DSCAM: variants seen among roughly 807,000 people sequenced by gnomAD.
DSCAM encodes DS cell adhesion molecule.
DSCAM carries 47 observed loss-of-function variants against 217.7 expected under a neutral mutation model. The observed-to-expected ratio is 0.22, with a 90% confidence interval of 0.17 to 0.28. The LOEUF is 0.28. Ranked by LOEUF, DSCAM falls within the 10% of genes least tolerant of loss-of-function variation. The probability of loss-of-function intolerance (pLI) is 1.00; values close to 1 mark genes in which losing one functional copy is unlikely to be tolerated. For synonymous variants in DSCAM, 1,056 were observed against 1,015.3 expected (o/e 1.04, Z -0.76); for missense variants, 2,080 against 2,618.3 (o/e 0.79, Z 4.49).
chr21:40,573,337 C>CAAAT lies in DSCAM; in HGVS notation c.508+119469_508+119472dup, dbSNP rs1276380669. On this transcript the variant is annotated intron_variant, in intron 3 of 32. Coordinates refer to ENST00000400454, the MANE Select transcript of DSCAM (RefSeq NM_001389.5). ...TGGGCGACAGAGCAAGACTCTGTCT[C>CAAAT]AAATAAATAAATAAATAAACTTGAA... 1.2e-4 allele frequency among the ~76,000 whole-genome samples: 18 copies of CAAAT among 151,142 alleles called. No individual in the cohort carries two copies. The East Asian group carries it at 3.5e-3, about 30-fold the overall frequency.
At position 40,055,080 on chromosome 21, in the gene DSCAM, A is replaced by G. The variant is rs569429647; in HGVS notation, c.5035+645T>C. On this transcript the variant is annotated intron_variant, in intron 29 of 32. Transcript: ENST00000400454. ...GTGTGGGGTAATGGACTTCAGGTGGAAAGAGGCTGGGAAGAGTGAAGATAC... is the reference window on the plus strand; with the variant it reads ...GTGTGGGGTAATGGACTTCAGGTGGGAAGAGGCTGGGAAGAGTGAAGATAC... 2.7e-3 allele frequency among the ~76,000 whole-genome samples: 405 copies of G among 152,244 alleles called. 2 individuals carry two copies. Among genetic ancestry groups the G allele is most frequent in the Non-Finnish European group, 3.6e-3 (242 of 68,018 alleles).
In DSCAM at chr21:40,432,235, TAAA is replaced by T. The variant is rs1352198517; in HGVS notation, c.509-62993_509-62991del. Among the ~76,000 whole-genome samples, 448 of 151,710 alleles carry T rather than the reference TAAA, an allele frequency of 3.0e-3. 2 individuals carry two copies. The highest frequency in any genetic ancestry group is 0.01 in the African/African-American group (427 of 41,444). On this transcript the variant is annotated intron_variant, in intron 3 of 32. Coordinates refer to ENST00000400454, the MANE Select transcript of DSCAM (RefSeq NM_001389.5). ...AAAAATAAATATATAAATAAATAAATAAATATCTTCTTCTTCTGATAGTCAAAA... is the reference window on the plus strand; with the variant it reads ...AAAAATAAATATATAAATAAATAAATTATCTTCTTCTTCTGATAGTCAAAA...
intron 32 of DSCAM, among the ~76,000 whole-genome samples, chr21:40,031,224 C>T (rs2088517771): frequency 6.6e-6 from 1 of 152,088 alleles, no homozygotes; most frequent in Non-Finnish European, 1.5e-5. Context: ...AGGCATGTAC[C>T]TTAGAGAACA....
chr21:40,691,931 T>C (rs892267170), intron 3 of DSCAM, among the ~76,000 whole-genome samples: 3 of 152,256 alleles, frequency 2.0e-5, no homozygotes, highest in African/African-American at 7.2e-5. Context: ...TTCCAAATTC[T>C]GCTCTCTATA....
chr21:40,836,615 C>T (rs2092058791), intron 1 of DSCAM, among the ~76,000 whole-genome samples: 1 of 152,190 alleles, frequency 6.6e-6, no homozygotes, highest in Non-Finnish European at 1.5e-5. Flanking sequence ...GTACTTGGAA[C>T]TTTACTGGAT....
At chr21:40,266,641 A>ATATATATATATATATATATATT (rs2073533434) in intron 11 of DSCAM, among the ~76,000 whole-genome samples, 1 of 111,312 alleles carries the variant, frequency 9.0e-6, no homozygotes, top group African/African-American at 4.5e-5. Context: ...TGTTTTATAT[A>ATATATATATATATATATATATT]TATATATATA....
At chr21:40,545,155 C>T (rs1304325869) in intron 3 of DSCAM, among the ~76,000 whole-genome samples, 2 of 152,076 alleles carry the variant, frequency 1.3e-5, no homozygotes, top group Admixed American at 6.5e-5. Context: ...TGTAGGGATA[C>T]AAGGACACAG....
At chr21:40,446,553 C>T (rs964223113) in intron 3 of DSCAM, among the ~76,000 whole-genome samples, 4 of 152,122 alleles carry the variant, frequency 2.6e-5, no homozygotes, top group African/African-American at 7.2e-5. Context: ...TAAGGAAGAG[C>T]GATTCCCAGT....
chr21:40,091,588 T>C (rs763149174), intron 21 of DSCAM, among the ~76,000 whole-genome samples: 9 of 152,146 alleles, frequency 5.9e-5, no homozygotes, highest in Non-Finnish European at 1.3e-4. Flanking sequence ...TCTATGCATA[T>C]ACTTTTGTGA....
At chr21:40,088,027 GAC>G (rs2089554577) in intron 21 of DSCAM, among the ~76,000 whole-genome samples, 1 of 152,188 alleles carries the variant, frequency 6.6e-6, no homozygotes, top group Non-Finnish European at 1.5e-5. Context: ...AGCTGACAGG[GAC>G]ACCACACACA....
At chr21:40,414,787 A>G (rs1239880030) in intron 3 of DSCAM, among the ~76,000 whole-genome samples, 2 of 152,214 alleles carry the variant, frequency 1.3e-5, no homozygotes, top group Admixed American at 1.3e-4. Context: ...TGCCTAAGGC[A>G]ACAAAGTGTT....
At chr21:40,751,558 G>A (rs1304887013) in intron 1 of DSCAM, among the ~76,000 whole-genome samples, 1 of 152,208 alleles carries the variant, frequency 6.6e-6, no homozygotes, top group Non-Finnish European at 1.5e-5. Context: ...CTCTTCCTCT[G>A]TGATTCTAAT....
At chr21:40,332,759 AG>A (rs1276277378) in intron 8 of DSCAM, among the ~76,000 whole-genome samples, 2 of 152,222 alleles carry the variant, frequency 1.3e-5, no homozygotes, top group Non-Finnish European at 2.9e-5. Flanking sequence ...GAACTGCTTA[AG>A]CTTCAACCAC....
rs1213186649 is a variant in DSCAM at position 40,357,259 on chromosome 21, T to C, written c.656-3516A>G. 3.3e-5 allele frequency among the ~76,000 whole-genome samples: 5 copies of C among 152,192 alleles called. No homozygotes were observed. The East Asian group carries it at 9.6e-4, about 29-fold the overall frequency. ...GAAATTACAAACGGACTTTGAAAAG[T>C]ATTGGTTTGAAGATCAAGTTATGTT... On this transcript the variant is annotated intron_variant, in intron 4 of 32. Transcript: ENST00000400454.
chr21:40,272,462 T>C (rs1187124898), intron 11 of DSCAM, among the ~76,000 whole-genome samples: 4 of 152,176 alleles, frequency 2.6e-5, no homozygotes, highest in Admixed American at 2.6e-4. Context: ...TCCTTATGCT[T>C]GATTCAATAA....
chr21:40,069,676 A>G (rs529749761), intron 27 of DSCAM, among the ~76,000 whole-genome samples: 1 of 152,212 alleles, frequency 6.6e-6, no homozygotes, highest in African/African-American at 2.4e-5. Context: ...GCAGATTTTG[A>G]CCTTATATTA....
At chr21:40,777,343 G>C (rs2091497379) in intron 1 of DSCAM, among the ~76,000 whole-genome samples, 2 of 152,110 alleles carry the variant, frequency 1.3e-5, no homozygotes, top group South Asian at 2.1e-4. Context: ...AAAACCTTCA[G>C]ACAACAGCAC....
chr21:40,072,318 C>T (rs539400064), intron 27 of DSCAM, among the ~76,000 whole-genome samples: 2 of 151,904 alleles, frequency 1.3e-5, no homozygotes, highest in African/African-American at 4.8e-5. Context: ...GGTACCCAAT[C>T]CTTGGCATCC....
intron 16 of DSCAM, among the ~76,000 whole-genome samples, chr21:40,155,876 C>G (rs2090470772): frequency 6.6e-6 from 1 of 151,796 alleles, no homozygotes; most frequent in Non-Finnish European, 1.5e-5. Context: ...GAAGAAGAAT[C>G]TTCCTTGGAA....
Sources: gnomAD v4.1 joint callset for allele counts (sites outside exome capture counted in the v4.1 genomes callset) on GRCh38, gnomAD v4.1.1 for gene constraint, MANE v1.5 for transcripts, NCBI Gene and HGNC (gene_info 2026-07-23, HGNC 2026-07-21) for gene names.